The following VSTM2L variants were observed in gnomAD, a reference collection of about 807,000 sequenced individuals.
The protein encoded by VSTM2L is V-set and transmembrane domain containing 2 like, also known as V-set and transmembrane domain-containing protein 2-like protein.
In VSTM2L, 9 loss-of-function variants were observed where a neutral mutation model predicts 19.9. The observed-to-expected ratio is 0.45, with a 90% CI of 0.27 to 0.79. The LOEUF is 0.79. Ranked by LOEUF, VSTM2L falls within the 30% of genes least tolerant of loss-of-function variation. VSTM2L has a pLI of 0.15. For missense variants in VSTM2L, 286 were observed against 295.5 expected, an observed-to-expected ratio of 0.97 and a Z score of 0.24; for synonymous variants, 127 against 133.8, an observed-to-expected ratio of 0.95 and a Z score of 0.35.
chr20:37,930,789 C>A (rs2072903917), intron 1 of VSTM2L, among the ~76,000 whole-genome samples: 1 of 152,054 alleles, frequency 6.6e-6, no homozygotes, highest in South Asian at 2.1e-4. Flanking sequence ...ACCCTGGGTG[C>A]CCTGAGATGG....
intron 2 of VSTM2L, among the ~76,000 whole-genome samples, chr20:37,932,190 T>G (rs948112264): frequency 6.6e-6 from 1 of 152,170 alleles, no homozygotes; most frequent in African/African-American, 2.4e-5. Flanking sequence ...ACGGGCAGCC[T>G]TTTTATAAAG....
At chr20:37,907,171 A>G (rs922340130) in intron 1 of VSTM2L, among the ~76,000 whole-genome samples, 6 of 152,178 alleles carry the variant, frequency 3.9e-5, no homozygotes, top group African/African-American at 9.7e-5. Context: ...CAGTGGCACA[A>G]TCTCAGCTTA....
chr20:37,927,846 TC>T (rs2072887161), intron 1 of VSTM2L, among the ~76,000 whole-genome samples: 1 of 152,160 alleles, frequency 6.6e-6, no homozygotes, highest in East Asian at 1.9e-4. Flanking sequence ...ACACATTGTC[TC>T]CCGTGCCCCC....
chr20:37,918,445 A>G (rs1362950737), intron 1 of VSTM2L, among the ~76,000 whole-genome samples: 1 of 152,234 alleles, frequency 6.6e-6, no homozygotes, highest in Admixed American at 6.5e-5. Context: ...ACGGAGATTG[A>G]GGCTCATAGC....
intron 3 of VSTM2L, 100 bp downstream of exon 3, chr20:37,933,689 A>G: frequency 8.7e-7 from 1 of 1,151,898 alleles, no homozygotes; most frequent in Non-Finnish European, 1.3e-6. Context: ...CTTGGGCAAG[A>G]AGATGGAAGA....
chr20:37,929,196 C>A (rs960772169), intron 1 of VSTM2L, among the ~76,000 whole-genome samples: 1 of 151,968 alleles, frequency 6.6e-6, no homozygotes, highest in African/African-American at 2.4e-5. Flanking sequence ...GAAGGCAGTT[C>A]CAGGGGAGTC....
chr20:37,933,471 G>GCC, intron 2 of VSTM2L, 68 bp from the exon 3 acceptor site: 4 of 1,255,736 alleles, frequency 3.2e-6, no homozygotes, highest in East Asian at 2.4e-5. Flanking sequence ...TCCCCACACT[G>GCC]CCACCCCACC....
Position 37,944,148 on chromosome 20 carries a change from C to A in VSTM2L, c.510C>A (p.Val170=). The change falls in exon 4 of 4, where the codon GTC becomes GTA. Residue 170 remains valine, a synonymous_variant. Transcript: ENST00000373461. ...GGGTGCAGCCAGGGGAGAACTCCGTCCTGCATCTGCCCGAAGCCCCTCCCG... is the reference window on the plus strand; with the variant it reads ...GGGTGCAGCCAGGGGAGAACTCCGTACTGCATCTGCCCGAAGCCCCTCCCG... ...YLRVQPGENS[V]LHLPEAPPAA... 6.2e-7 allele frequency: 1 copy of A among 1,600,220 alleles called. No individual in the cohort carries two copies. The highest frequency in any genetic ancestry group is 1.1e-5 in the South Asian group (1 of 89,382).
chr20:37,929,255 G>T (rs1417982931), intron 1 of VSTM2L, among the ~76,000 whole-genome samples: 3 of 152,176 alleles, frequency 2.0e-5, no homozygotes, highest in Non-Finnish European at 4.4e-5. Context: ...CAAAGGTCTT[G>T]AGGTGGAATC....
At chr20:37,919,542 T>C (rs1290440774) in intron 1 of VSTM2L, among the ~76,000 whole-genome samples, 1 of 152,240 alleles carries the variant, frequency 6.6e-6, no homozygotes, top group Non-Finnish European at 1.5e-5. Flanking sequence ...TTACAGGCGG[T>C]TGGGCTGGGA....
intron 1 of VSTM2L, among the ~76,000 whole-genome samples, chr20:37,908,014 G>A (rs909629668): frequency 3.3e-5 from 5 of 152,172 alleles, no homozygotes; most frequent in Admixed American, 3.3e-4. Context: ...AAATGTGTTC[G>A]TCTTTGTCTC....
chr20:37,910,560 C>T (rs1011082976), intron 1 of VSTM2L, among the ~76,000 whole-genome samples: 2 of 152,210 alleles, frequency 1.3e-5, no homozygotes, highest in Admixed American at 6.5e-5. Context: ...AGCTAAGGTT[C>T]TTGCTCTCTT....
At position 37,945,300 on chromosome 20, in the gene VSTM2L, T is replaced by C. The variant is rs138428120; in HGVS notation, c.*1047T>C. On this transcript the variant is annotated 3_prime_UTR_variant, in exon 4 of 4. Transcript: ENST00000373461. ...CTAGGGGTGGGTTGCCCTGTATACA[T>C]GATCCAGTCTGTGACTACCAGCCAA... 1.0e-6 allele frequency: 1 copy of C among 984,426 alleles called. No homozygotes were observed. The highest frequency in any genetic ancestry group is 1.2e-6 in the Non-Finnish European group (1 of 829,044). 61.0% of individuals were successfully genotyped at this position (984,426 alleles called of 1,614,324 possible).
At chr20:37,935,488 C>A (rs148839374) in intron 3 of VSTM2L, among the ~76,000 whole-genome samples, 1 of 152,148 alleles carries the variant, frequency 6.6e-6, no homozygotes, top group Non-Finnish European at 1.5e-5. Context: ...CTTCCCCTCC[C>A]GACCCTGGCA....
intron 1 of VSTM2L, among the ~76,000 whole-genome samples, chr20:37,913,776 C>T (rs1158923602): frequency 6.6e-6 from 1 of 152,158 alleles, no homozygotes; most frequent in Non-Finnish European, 1.5e-5. Flanking sequence ...TCGTGGAGAA[C>T]CATGTGCATG....
intron 1 of VSTM2L, among the ~76,000 whole-genome samples, chr20:37,910,918 T>TA (rs527960204): frequency 0.12 from 15,691 of 135,080 alleles, 1,165 homozygotes; most frequent in African/African-American, 0.21. Context: ...CCCTGTCTCT[T>TA]AAAAAAAAAA....
At chr20:37,931,536 G>A (rs374500106) in intron 1 of VSTM2L, 99 bp from the exon 2 acceptor site, 38 of 505,754 alleles carry the variant, frequency 7.5e-5, no homozygotes, top group South Asian at 2.4e-5. Flanking sequence ...CCCATCCCCC[G>A]CCGTGCAGGG....
chr20:37,906,816 G>T (rs1242207389), intron 1 of VSTM2L, among the ~76,000 whole-genome samples: 2 of 152,172 alleles, frequency 1.3e-5, no homozygotes, highest in Non-Finnish European at 2.9e-5. Context: ...TCCACCAAGA[G>T]GAACCAGCCA....
chr20:37,938,702 G>A lies in VSTM2L; in HGVS notation c.342+5113G>A, dbSNP rs187735972. Among the ~76,000 whole-genome samples, 274 of 152,378 alleles carry A rather than the reference G, an allele frequency of 1.8e-3. 1 individual carries two copies. The highest frequency in any genetic ancestry group is 3.4e-3 in the Middle Eastern group (1 of 294). On this transcript the variant is annotated intron_variant, in intron 3 of 3. Coordinates refer to ENST00000373461, the MANE Select transcript of VSTM2L (RefSeq NM_080607.3). ...GTGCTTAATTGCACTGCTAAGGCCTGTCGATGCCTGTGCGGAGGTGATTAT... is the reference window on the plus strand; with the variant it reads ...GTGCTTAATTGCACTGCTAAGGCCTATCGATGCCTGTGCGGAGGTGATTAT...
Sources: allele counts gnomAD v4.1 joint callset (sites outside exome capture counted in the v4.1 genomes callset), GRCh38; gene constraint gnomAD v4.1.1; transcripts MANE v1.5; gene names NCBI Gene and HGNC (gene_info 2026-07-23, HGNC 2026-07-21).